The following ELMOD1 variants were observed in gnomAD, a reference collection of about 807,000 sequenced individuals.
ELMOD1 encodes the protein ELMO domain containing 1, also known as ELMO domain-containing protein 1.
Under a neutral mutation model 46.7 loss-of-function variants are expected in ELMOD1, and 21 were observed. The observed-to-expected ratio is 0.45, with a 90% CI of 0.32 to 0.65. The LOEUF is 0.65. ELMOD1 is among the 30% of genes least tolerant of loss of function. ELMOD1 has a pLI of 0.04. For synonymous variants in ELMOD1, 122 were observed against 138.2 expected (o/e 0.88, Z 0.82); for missense variants, 348 against 407.8 (o/e 0.85, Z 1.26).
intron 2 of ELMOD1, among the ~76,000 whole-genome samples, chr11:107,628,704 A>G (rs917724126): frequency 1.3e-5 from 2 of 151,788 alleles, no homozygotes; most frequent in Non-Finnish European, 2.9e-5. Flanking sequence ...GAAATTTTAT[A>G]TGCACTTTTG....
At chr11:107,592,468 C>T (rs763883363) in intron 1 of ELMOD1, 2 of 533,664 alleles carry the variant, frequency 3.7e-6, no homozygotes, top group African/African-American at 3.9e-5. Context: ...TGACAACCGT[C>T]CTTAACTGGT....
chr11:107,606,114 G>A (rs934586531), intron 1 of ELMOD1, among the ~76,000 whole-genome samples: 2 of 152,022 alleles, frequency 1.3e-5, no homozygotes, highest in Non-Finnish European at 2.9e-5. Flanking sequence ...GAGTCTTACT[G>A]AATTATATCC....
Position 107,635,750 on chromosome 11 carries a change from A to G in ELMOD1, c.405A>G (p.Glu135=), listed in dbSNP as rs747240188. The G allele has an allele frequency of 1.9e-6, 3 of 1,613,578 alleles. No homozygotes were observed. Among genetic ancestry groups the G allele is most frequent in the African/African-American group, 1.3e-5 (1 of 74,900 alleles). Residue 135 remains glutamate (E), a synonymous_variant, in exon 6 of 12, where the codon GAA becomes GAG. Coordinates refer to ENST00000265840, the MANE Select transcript of ELMOD1 (RefSeq NM_018712.4). Reference sequence around the variant, plus strand: ...ATGATTCTGATAATCCCCAACATGAAGAAATGCTTTTGAAGGTTAGTGCTT... The same window carrying G: ...ATGATTCTGATAATCCCCAACATGAGGAAATGCTTTTGAAGGTTAGTGCTT... ...EAYDSDNPQH[E]EMLLKLWKFL... is the part of the protein sequence containing the mutation.
At chr11:107,641,947 T>C (rs1387589530) in intron 6 of ELMOD1, among the ~76,000 whole-genome samples, 1 of 126,770 alleles carries the variant, frequency 7.9e-6, no homozygotes, top group Non-Finnish European at 1.8e-5. Context: ...CTCTTTTTTT[T>C]TTTTTTTTTT....
chr11:107,621,177 A>G (rs920673283), intron 2 of ELMOD1, among the ~76,000 whole-genome samples: 1 of 152,200 alleles, frequency 6.6e-6, no homozygotes. Flanking sequence ...ACCCATGTAA[A>G]TCATTGCTTC....
chr11:107,653,840 GGAGA>G (rs1268397664), intron 9 of ELMOD1: 1 of 222,750 alleles, frequency 4.5e-6, no homozygotes, highest in Admixed American at 5.1e-5. Context: ...TAGGGAATCA[GGAGA>G]GAGTGAGGCG....
chr11:107,608,072 G>GT (rs1374951877), intron 1 of ELMOD1, among the ~76,000 whole-genome samples: 1 of 147,708 alleles, frequency 6.8e-6, no homozygotes, highest in Non-Finnish European at 1.5e-5. Flanking sequence ...TAAACTTTCT[G>GT]TTTTTTATCT....
chr11:107,631,666 C>T lies in ELMOD1; in HGVS notation c.279C>T (p.Asp93=), dbSNP rs764545890. 3.7e-5 allele frequency: 56 copies of T among 1,519,488 alleles called. No homozygotes were observed. In the South Asian group the frequency reaches 3.9e-4, roughly 11 times the overall value. The allele number at this position is 1,519,488 out of a possible 1,614,324, so 94.1% of individuals were successfully genotyped here. A position where few individuals can be genotyped will look rare whatever the true frequency, so the allele number is the denominator to read the frequency against. The part of the protein sequence containing the change: ...DIMELKKINP[D]VNPQLGISLQ... ...TGGAACTGAAAAAAATTAATCCTGA[C>T]GTAAATCCACAGTAAGAATATGTTT... The change falls in exon 5 of 12, where the codon GAC becomes GAT. Residue 93 remains aspartate, a synonymous_variant. Transcript: ENST00000265840.
chr11:107,644,510 T>C (rs1048305767), intron 6 of ELMOD1, among the ~76,000 whole-genome samples: 7 of 152,240 alleles, frequency 4.6e-5, no homozygotes, highest in African/African-American at 1.7e-4. Context: ...AGTCTCGCTC[T>C]GTAGCCCAGG....
chr11:107,640,384 G>A (rs183957584), intron 6 of ELMOD1, among the ~76,000 whole-genome samples: 20 of 151,972 alleles, frequency 1.3e-4, no homozygotes, highest in Middle Eastern at 3.4e-3. Flanking sequence ...GCATAATTTC[G>A]AAGTCAACAT....
At chr11:107,609,946 C>T (rs1000615528) in intron 1 of ELMOD1, among the ~76,000 whole-genome samples, 1 of 152,102 alleles carries the variant, frequency 6.6e-6, no homozygotes, top group Non-Finnish European at 1.5e-5. Flanking sequence ...TTGTTTTCTT[C>T]CAATTGGGAG....
intron 6 of ELMOD1, among the ~76,000 whole-genome samples, chr11:107,641,431 A>G (rs1866321913): frequency 6.6e-6 from 1 of 152,198 alleles, no homozygotes. Flanking sequence ...ATGCCAATAC[A>G]TTTTTCCTAT....
chr11:107,648,764 AT>A (rs11369220), intron 7 of ELMOD1, among the ~76,000 whole-genome samples: 5 of 147,584 alleles, frequency 3.4e-5, no homozygotes, highest in Admixed American at 1.3e-4. Flanking sequence ...GTTAGTGTCA[AT>A]TTTTTTTTTT....
intron 1 of ELMOD1, among the ~76,000 whole-genome samples, chr11:107,610,819 A>G (rs958771768): frequency 3.3e-5 from 5 of 152,094 alleles, no homozygotes; most frequent in Non-Finnish European, 7.4e-5. Flanking sequence ...GCTATGCAGA[A>G]GAAGAGTGAA....
intron 11 of ELMOD1, among the ~76,000 whole-genome samples, chr11:107,661,993 G>C (rs1866747322): frequency 6.6e-6 from 1 of 152,162 alleles, no homozygotes; most frequent in Non-Finnish European, 1.5e-5. Context: ...TCCAAATCAT[G>C]GCATATGAGA....
intron 6 of ELMOD1, among the ~76,000 whole-genome samples, chr11:107,636,441 T>G (rs1866230575): frequency 6.6e-6 from 1 of 152,196 alleles, no homozygotes; most frequent in Non-Finnish European, 1.5e-5. Context: ...AGACTACCCT[T>G]TAGAACTACA....
chr11:107,642,995 A>C, intron 6 of ELMOD1: 1 of 247,706 alleles, frequency 4.0e-6, no homozygotes, highest in Non-Finnish European at 8.4e-6. Flanking sequence ...TAGTGATACA[A>C]AATGACACAA....
intron 11 of ELMOD1, among the ~76,000 whole-genome samples, chr11:107,664,046 C>T (rs1233990047): frequency 6.6e-6 from 1 of 152,030 alleles, no homozygotes; most frequent in Non-Finnish European, 1.5e-5. Context: ...AGTGCAGTGG[C>T]GCAATCACAG....
At position 107,666,014 on chromosome 11, in the gene ELMOD1, T is replaced by A. The variant is rs890064165; in HGVS notation, c.*817T>A. On this transcript the variant is annotated 3_prime_UTR_variant, in exon 12 of 12. Transcript: ENST00000265840. The stretch of plus-strand genomic sequence containing the variant: ...ATAAATAAATAAATAAATAAATAAA[T>A]AAAATAGTACAGACAGACACATGAT... The A allele has an allele frequency of 8.1e-5, 11 of 135,124 alleles. No individual in the cohort carries two copies. Among genetic ancestry groups the A allele is most frequent in the South Asian group, 2.5e-4 (1 of 4,056 alleles). The allele number at this position is 135,124 out of a possible 1,614,324, so 8.4% of individuals were successfully genotyped here. A position where few individuals can be genotyped will look rare whatever the true frequency, so the allele number is the denominator to read the frequency against.
Sources: gnomAD v4.1 joint callset for allele counts (sites outside exome capture counted in the v4.1 genomes callset) on GRCh38, gnomAD v4.1.1 for gene constraint, MANE v1.5 for transcripts, NCBI Gene and HGNC (gene_info 2026-07-23, HGNC 2026-07-21) for gene names.